The following PHACTR3 variants were observed in gnomAD, a reference collection of about 807,000 sequenced individuals.
The protein encoded by PHACTR3 is phosphatase and actin regulator 3, also known as protein phosphatase 1, regulatory subunit 123.
PHACTR3 carries 16 observed loss-of-function variants against 66.8 expected under a neutral mutation model. The ratio of observed to expected loss-of-function variants is 0.24; its 90% CI spans 0.16 to 0.36. The LOEUF (loss-of-function observed/expected upper bound fraction) is 0.36, where lower values mean the gene tolerates loss of function less well. Ranked by LOEUF, PHACTR3 falls within the 10% of genes least tolerant of loss-of-function variation. The probability of loss-of-function intolerance (pLI) is 1.00; values close to 1 mark genes in which losing one functional copy is unlikely to be tolerated. For synonymous variants in PHACTR3, 323 were observed against 292.1 expected (o/e 1.11, Z -1.08); for missense variants, 647 against 719.9 (o/e 0.90, Z 1.16).
intron 7 of PHACTR3, among the ~76,000 whole-genome samples, chr20:59,799,277 A>G (rs981720760): frequency 1.3e-5 from 2 of 152,138 alleles, no homozygotes; most frequent in Non-Finnish European, 2.9e-5. Context: ...ATAGTGCTTT[A>G]TAAGTGTTAG....
chr20:59,616,117 C>T (rs1008869702), intron 1 of PHACTR3, among the ~76,000 whole-genome samples: 14 of 152,118 alleles, frequency 9.2e-5, no homozygotes, highest in Non-Finnish European at 2.1e-4. Context: ...ATCTCTGATC[C>T]ACAGTTTTCC....
Position 59,830,691 on chromosome 20 carries a change from G to A in PHACTR3, c.1329-5814G>A, listed in dbSNP as rs1568865301. On this transcript the variant is annotated intron_variant, in intron 8 of 12. Coordinates refer to ENST00000371015, the MANE Select transcript of PHACTR3 (RefSeq NM_080672.5). This position sits in a 1 kb window ranked among gnomAD's most constrained non-coding sequence, Gnocchi z 5.8. ...ATAGTAGTAATGATGCCACCTATTT[G>A]TGTGTCAACCTCCTCCTGTATTTAG... Among the ~76,000 whole-genome samples the A allele has an allele frequency of 6.6e-6, 1 of 152,148 alleles. No homozygotes were observed. The highest frequency in any genetic ancestry group is 1.5e-5 in the Non-Finnish European group (1 of 68,010).
chr20:59,620,050 C>G (rs993254391), intron 1 of PHACTR3, among the ~76,000 whole-genome samples: 2 of 152,180 alleles, frequency 1.3e-5, no homozygotes, highest in African/African-American at 2.4e-5. Context: ...GAGGCCCTCC[C>G]TGGCTTCTCA....
At chr20:59,734,350 C>G (rs929992551) in intron 1 of PHACTR3, among the ~76,000 whole-genome samples, 2 of 152,206 alleles carry the variant, frequency 1.3e-5, no homozygotes, top group Non-Finnish European at 2.9e-5. Context: ...TTCCTGAGCT[C>G]AAGCAATCCT....
At chr20:59,729,866 T>C (rs4142009) in intron 1 of PHACTR3, among the ~76,000 whole-genome samples, 144,328 of 152,254 alleles carry the variant, frequency 0.95, 68,497 homozygotes, top group African/African-American at 0.99. Flanking sequence ...CCTTGGCTCT[T>C]GGGTGAAAAT....
At chr20:59,806,770 T>C (rs1022786128) in intron 8 of PHACTR3, among the ~76,000 whole-genome samples, 1 of 152,200 alleles carries the variant, frequency 6.6e-6, no homozygotes, top group African/African-American at 2.4e-5. Context: ...CAGAGCGCAC[T>C]ACACAAACCC....
intron 1 of PHACTR3, among the ~76,000 whole-genome samples, chr20:59,719,895 G>A (rs1309146347): frequency 1.3e-5 from 2 of 152,208 alleles, no homozygotes; most frequent in Non-Finnish European, 2.9e-5. Flanking sequence ...GAGCCTGTCC[G>A]AGGGCTTGCG....
At chr20:59,845,079 A>T in intron 11 of PHACTR3, 110 bp from the exon 12 acceptor site, 1 of 658,740 alleles carries the variant, frequency 1.5e-6, no homozygotes, top group African/African-American at 1.9e-5. Flanking sequence ...TTTTCTGTAT[A>T]TTACATAATA....
intron 7 of PHACTR3, among the ~76,000 whole-genome samples, chr20:59,787,681 G>A (rs568762173): frequency 5.9e-5 from 9 of 152,350 alleles, no homozygotes; most frequent in East Asian, 1.9e-4. Context: ...GAGCTGGAGA[G>A]GAGAGTTTCC....
Position 59,604,758 on chromosome 20 carries a change from T to C in PHACTR3, c.-257T>C. The C allele has an allele frequency of 8.7e-7, 1 of 1,147,518 alleles. No homozygotes were observed. Among genetic ancestry groups the C allele is most frequent in the Non-Finnish European group, 1.1e-6 (1 of 937,902 alleles). The allele number at this position is 1,147,518 out of a possible 1,614,324, so 71.1% of individuals were successfully genotyped here. On this transcript the variant is annotated 5_prime_UTR_variant, in exon 1 of 13. Transcript: ENST00000371015. ...ACTGAAGAATGGGAATAAACACGAA[T>C]AAATAACAAAGCGAGGCCGCGCACG...
chr20:59,639,745 C>T (rs180679354), intron 1 of PHACTR3, among the ~76,000 whole-genome samples: 5 of 152,284 alleles, frequency 3.3e-5, no homozygotes, highest in African/African-American at 1.2e-4. Context: ...GATGGATGCA[C>T]ATGAATGGAA....
intron 1 of PHACTR3, among the ~76,000 whole-genome samples, chr20:59,725,471 C>G (rs115376542): frequency 6.6e-6 from 1 of 152,178 alleles, no homozygotes. Flanking sequence ...CCCAGGTGGG[C>G]TGTGAGCTCA....
chr20:59,729,630 T>C (rs1282780319), intron 1 of PHACTR3, among the ~76,000 whole-genome samples: 1 of 152,092 alleles, frequency 6.6e-6, no homozygotes, highest in African/African-American at 2.4e-5. Context: ...GATGGTGCCA[T>C]CTCAGGAGAA....
chr20:59,802,351 G>T (rs891310819), intron 7 of PHACTR3, among the ~76,000 whole-genome samples: 1 of 152,218 alleles, frequency 6.6e-6, no homozygotes, highest in Non-Finnish European at 1.5e-5. Context: ...GGAGGTAGGG[G>T]AGATGATGAA....
chr20:59,639,334 G>A (rs1004602729), intron 1 of PHACTR3, among the ~76,000 whole-genome samples: 2 of 152,276 alleles, frequency 1.3e-5, no homozygotes, highest in East Asian at 1.9e-4. Flanking sequence ...CTGGAGAAAG[G>A]AGCACCTGCA....
chr20:59,824,457 A>T (rs1286978675), intron 8 of PHACTR3, among the ~76,000 whole-genome samples: 2 of 152,166 alleles, frequency 1.3e-5, no homozygotes, highest in East Asian at 3.8e-4. Context: ...ATTCCCTTTT[A>T]TCTTCCCCAG....
chr20:59,615,846 G>C (rs1183915235), intron 1 of PHACTR3, among the ~76,000 whole-genome samples: 1 of 152,192 alleles, frequency 6.6e-6, no homozygotes, highest in Non-Finnish European at 1.5e-5. Flanking sequence ...CCTTTGGTTG[G>C]GGGAGCAGGA....
chr20:59,786,622 G>T (rs1230181329), intron 7 of PHACTR3, among the ~76,000 whole-genome samples: 1 of 152,226 alleles, frequency 6.6e-6, no homozygotes, highest in Non-Finnish European at 1.5e-5. Context: ...CCTCTGTGCA[G>T]TTGACAGGTG....
intron 1 of PHACTR3, among the ~76,000 whole-genome samples, chr20:59,580,420 T>G (rs1462725713): frequency 6.6e-6 from 1 of 152,192 alleles, no homozygotes; most frequent in Non-Finnish European, 1.5e-5. Context: ...CTTGGGAATC[T>G]TAACTCTCAC....
Sources: gnomAD v4.1 joint callset for allele counts (sites outside exome capture counted in the v4.1 genomes callset) on GRCh38, gnomAD v4.1.1 for gene constraint, Gnocchi (gnomAD v3.1) non-coding constraint, MANE v1.5 for transcripts, NCBI Gene and HGNC (gene_info 2026-07-23, HGNC 2026-07-21) for gene names.